The following RBFOX3 variants were observed in gnomAD, a reference collection of about 807,000 sequenced individuals.
The protein encoded by RBFOX3 is RNA binding fox-1 homolog 3, also known as RNA binding protein fox-1 homolog 3.
Under a neutral mutation model 48.7 loss-of-function variants are expected in RBFOX3, and 17 were observed. That is an observed-to-expected ratio of 0.35 (90% confidence interval 0.24 to 0.52). The LOEUF is 0.52. RBFOX3 is among the 20% of genes least tolerant of loss of function. The probability of loss-of-function intolerance (pLI) is 0.94; values close to 1 mark genes in which losing one functional copy is unlikely to be tolerated. For missense variants in RBFOX3, 382 were observed against 497.5 expected (o/e 0.77, Z 2.21); for synonymous variants, 212 against 209.5 (o/e 1.01, Z -0.10).
the RBFOX3 span, among the ~76,000 whole-genome samples, chr17:79,620,264 C>A: frequency 4.0e-5 from 6 of 150,624 alleles, no homozygotes; most frequent in South Asian, 1.3e-3. Flanking sequence ...TGCACACACA[C>A]GTGCACACAT....
In RBFOX3 at chr17:79,374,289, G is replaced by A. The variant is rs528248925; in HGVS notation, c.-174-66465C>T. ...AAAGACGAGAAGCCGCAGCTTCCCA[G>A]GGCAAGGGACCACCATCTCCCAGAG... On this transcript the variant is annotated intron_variant, in intron 2 of 14. Transcript: ENST00000693108. Among the ~76,000 whole-genome samples the A allele has an allele frequency of 3.9e-5, 6 of 152,288 alleles. No individual in the cohort carries two copies. In the East Asian group the frequency reaches 1.2e-3, roughly 29 times the overall value.
intron 4 of RBFOX3, among the ~76,000 whole-genome samples, chr17:79,181,913 C>A (rs764331647): frequency 1.2e-4 from 19 of 152,002 alleles, no homozygotes; most frequent in Non-Finnish European, 2.4e-4. Context: ...CGGGTAAGAA[C>A]CCATCACCCA....
At chr17:79,460,699 G>C (rs1287881048) in intron 2 of RBFOX3, among the ~76,000 whole-genome samples, 1 of 152,172 alleles carries the variant, frequency 6.6e-6, no homozygotes, top group African/African-American at 2.4e-5. Context: ...GTTATTGTGG[G>C]AGTGGGTTCA....
intron 3 of RBFOX3, among the ~76,000 whole-genome samples, chr17:79,285,250 C>T (rs928313634): frequency 2.0e-5 from 3 of 152,192 alleles, no homozygotes; most frequent in Admixed American, 6.5e-5. Context: ...CCCCTTTCTG[C>T]CCCAGCCAGG....
At chr17:79,092,739 T>G in intron 14 of RBFOX3, 8 of 601,300 alleles carry the variant, frequency 1.3e-5, no homozygotes, top group Non-Finnish European at 1.5e-5. Flanking sequence ...AAAAGAGAAA[T>G]AGCCAAGTCT....
At chr17:79,359,234 C>T (rs138385314) in intron 2 of RBFOX3, among the ~76,000 whole-genome samples, 293 of 152,354 alleles carry the variant, frequency 1.9e-3, no homozygotes, top group Non-Finnish European at 3.5e-3. Context: ...GCGCCTACCC[C>T]GCCCCTCCCC....
chr17:79,092,339 G>C (rs567400893), intron 14 of RBFOX3: 2 of 985,546 alleles, frequency 2.0e-6, no homozygotes, highest in Non-Finnish European at 2.4e-6. Context: ...CATCAACAAA[G>C]TCAAAATAGG....
At chr17:79,097,766 C>A in intron 9 of RBFOX3, 21 bp from the exon 10 acceptor site, 1 of 1,550,954 alleles carries the variant, frequency 6.4e-7, no homozygotes, top group Non-Finnish European at 8.7e-7. Flanking sequence ...GGCACAGAGA[C>A]CTAGTCACTG....
intron 1 of RBFOX3, among the ~76,000 whole-genome samples, chr17:79,603,540 G>T (rs2093758382): frequency 6.6e-6 from 1 of 152,212 alleles, no homozygotes; most frequent in Non-Finnish European, 1.5e-5. Flanking sequence ...GGGAGTGAGG[G>T]TCCCCTCAGA....
chr17:79,626,731 C>T, the RBFOX3 span, among the ~76,000 whole-genome samples: 2 of 152,240 alleles, frequency 1.3e-5, no homozygotes, highest in Non-Finnish European at 2.9e-5. Context: ...CGCATGTTTG[C>T]AATGCGGTGA....
the RBFOX3 span, among the ~76,000 whole-genome samples, chr17:79,619,857 A>T: frequency 6.6e-6 from 1 of 152,128 alleles, no homozygotes; most frequent in Non-Finnish European, 1.5e-5. Context: ...TTCAACAGCA[A>T]CCAAATTCTC....
intron 2 of RBFOX3, among the ~76,000 whole-genome samples, chr17:79,396,209 G>A (rs1326776172): frequency 6.6e-6 from 1 of 152,238 alleles, no homozygotes; most frequent in Admixed American, 6.5e-5. Context: ...ACCTCCAGTG[G>A]AAGGAAAGAT....
At chr17:79,347,219 G>A (rs2083061420) in intron 2 of RBFOX3, among the ~76,000 whole-genome samples, 1 of 152,164 alleles carries the variant, frequency 6.6e-6, no homozygotes, top group South Asian at 2.1e-4. Context: ...CCTGAAGTCT[G>A]TATAATAACT....
chr17:79,454,576 G>A (rs1555743589), intron 2 of RBFOX3, among the ~76,000 whole-genome samples: 1 of 152,126 alleles, frequency 6.6e-6, no homozygotes, highest in African/African-American at 2.4e-5. Flanking sequence ...ACTCACTCTT[G>A]GACCCAGTCA....
rs530534565 is a variant in RBFOX3 at position 79,270,725 on chromosome 17, C to T, written c.-73-34920G>A. On this transcript the variant is annotated intron_variant, in intron 3 of 14. Coordinates refer to ENST00000693108, the MANE Select transcript of RBFOX3 (RefSeq NM_001350451.2). ...AGGCAGTTCTGGCGGCCCTGTTCCT[C>T]CTCCACTGGGCCTAGGGGGCAATGT... 9.2e-5 allele frequency among the ~76,000 whole-genome samples: 14 copies of T among 152,338 alleles called. No individual in the cohort carries two copies. In the Middle Eastern group the frequency reaches 0.01, roughly 111 times the overall value.
intron 1 of RBFOX3, among the ~76,000 whole-genome samples, chr17:79,590,143 G>A: frequency 6.6e-6 from 1 of 152,066 alleles, no homozygotes; most frequent in Admixed American, 6.5e-5. Context: ...CCACCCCCCA[G>A]GCCACACACT....
intron 3 of RBFOX3, among the ~76,000 whole-genome samples, chr17:79,248,123 T>C (rs2063424999): frequency 6.6e-6 from 1 of 152,150 alleles, no homozygotes; most frequent in Non-Finnish European, 1.5e-5. Context: ...GGCGGGGCTC[T>C]CCTCTACCTC....
upstream of RBFOX3, among the ~76,000 whole-genome samples, chr17:79,615,243 G>A (rs928354314): frequency 2.0e-5 from 3 of 152,126 alleles, no homozygotes; most frequent in South Asian, 4.2e-4. Context: ...ACAATCAAAC[G>A]TGAGATTAAA....
At chr17:79,224,145 G>A (rs187202771) in intron 4 of RBFOX3, among the ~76,000 whole-genome samples, 4 of 152,194 alleles carry the variant, frequency 2.6e-5, no homozygotes, top group East Asian at 1.9e-4. Context: ...AAGAGCCTCC[G>A]GAGTCACCTG....
Sources: gnomAD v4.1 joint callset for allele counts (sites outside exome capture counted in the v4.1 genomes callset) on GRCh38, gnomAD v4.1.1 for gene constraint, MANE v1.5 for transcripts, NCBI Gene and HGNC (gene_info 2026-07-23, HGNC 2026-07-21) for gene names.